RTEL1: variants seen among roughly 807,000 people sequenced by gnomAD.
RTEL1 encodes the protein regulator of telomere elongation helicase 1, also known as regulator of telomere length.
Under a neutral mutation model 162.2 loss-of-function variants are expected in RTEL1, and 86 were observed. That is an observed-to-expected ratio of 0.53 (90% confidence interval 0.45 to 0.63). RTEL1 has a LOEUF of 0.63. Ranked by LOEUF, RTEL1 falls within the 30% of genes least tolerant of loss-of-function variation. The pLI, the probability that RTEL1 is intolerant of heterozygous loss-of-function variation, is 0.00. For synonymous variants in RTEL1, 958 were observed against 717.9 expected (o/e 1.33, Z -5.35); for missense variants, 1,941 against 1,750.2 (o/e 1.11, Z -1.95).
At chr20:63,666,810 G>A (rs1038051980) in intron 7 of RTEL1, among the ~76,000 whole-genome samples, 15 of 150,050 alleles carry the variant, frequency 1.0e-4, no homozygotes, top group East Asian at 2.0e-4. Context: ...GATTACAGGC[G>A]TGAGACCCCA....
chr20:63,667,453 C>T lies in RTEL1; in HGVS notation c.615-16C>T, dbSNP rs1262626662. 1 of 1,606,834 alleles carries T rather than the reference C, an allele frequency of 6.2e-7. No individual in the cohort carries two copies. The highest frequency in any genetic ancestry group is 1.3e-5 in the African/African-American group (1 of 74,738). On this transcript the variant is annotated splice_polypyrimidine_tract_variant and intron_variant, in intron 7 of 34. Transcript: ENST00000360203. ...GCATGGGGTGCTCACAGGATCTTCTCCTCTCTCCTTCCCAGGGTGTGCCCT... is the reference window on the plus strand; with the variant it reads ...GCATGGGGTGCTCACAGGATCTTCTTCTCTCTCCTTCCCAGGGTGTGCCCT...
At position 63,684,256 on chromosome 20, in the gene RTEL1, C is replaced by T. The variant is rs115747785; in HGVS notation, c.1192-1267C>T. Reference sequence around the variant, plus strand: ...GGTTCTGTGCGCTGACCGAGCGGCTCGGCTTCCCCCAACTCCACTGGGCAC... The same window carrying T: ...GGTTCTGTGCGCTGACCGAGCGGCTTGGCTTCCCCCAACTCCACTGGGCAC... On this transcript the variant is annotated intron_variant, in intron 14 of 34. Coordinates refer to ENST00000360203, the MANE Select transcript of RTEL1 (RefSeq NM_001283009.2). Among the ~76,000 whole-genome samples, 567 of 152,284 alleles carry T rather than the reference C, an allele frequency of 3.7e-3. 3 individuals carry two copies. The highest frequency in any genetic ancestry group is 0.012 in the African/African-American group (519 of 41,548).
chr20:63,669,213 G>A (rs925473198), intron 8 of RTEL1, among the ~76,000 whole-genome samples: 2 of 152,152 alleles, frequency 1.3e-5, no homozygotes, highest in Non-Finnish European at 2.9e-5. Context: ...TTGATTTCTG[G>A]TTTTCTGAAA....
At chr20:63,682,230 C>G (rs547556940) in intron 14 of RTEL1, 2 of 985,434 alleles carry the variant, frequency 2.0e-6, no homozygotes, top group Non-Finnish European at 2.4e-6. Flanking sequence ...TCCAAGGCTT[C>G]CAGCTATGGA....
intron 13 of RTEL1, 34 bp downstream of exon 13, chr20:63,679,980 A>C (rs916790332): frequency 6.6e-7 from 1 of 1,510,564 alleles, no homozygotes; most frequent in Admixed American, 1.7e-5. Context: ...GGTGCGGGCA[A>C]ATGTGGCGTA....
intron 8 of RTEL1, among the ~76,000 whole-genome samples, chr20:63,671,199 T>C (rs545775579): frequency 7.4e-4 from 113 of 152,252 alleles, no homozygotes; most frequent in African/African-American, 2.6e-3. Context: ...TAGCTGGGAC[T>C]ACAGGCACCC....
At position 63,693,263 on chromosome 20, in the gene RTEL1, A is replaced by G. The variant is rs781059357; in HGVS notation, c.2972A>G (p.Gln991Arg). 3.1e-6 allele frequency: 5 copies of G among 1,611,892 alleles called. No individual in the cohort carries two copies. The highest frequency in any genetic ancestry group is 2.2e-5 in the East Asian group (1 of 44,892). ...AGCATTCCCCGAAGGCAGCGGGCAC[A>G]GCCGGTCCTGGACCCCACTGGTAAA... ...EHSIPRRQRAQPVLDPTGRTA... is the reference protein window; with the variant it reads ...EHSIPRRQRARPVLDPTGRTA... The change falls in exon 30 of 35, where the codon CAG becomes CGG. Residue 991 changes from glutamine to arginine, a missense_variant. By Grantham distance (43) the Gln-to-Arg change is conservative. Coordinates refer to ENST00000360203, the MANE Select transcript of RTEL1 (RefSeq NM_001283009.2).
intron 14 of RTEL1, chr20:63,682,024 C>T (rs773296401): frequency 5.1e-6 from 5 of 985,336 alleles, no homozygotes; most frequent in Admixed American, 1.2e-4. Flanking sequence ...AAAGCACCTC[C>T]AGCACATGGC....
chr20:63,694,049 C>G (rs1279601467), intron 30 of RTEL1, among the ~76,000 whole-genome samples: 2 of 152,016 alleles, frequency 1.3e-5, no homozygotes, highest in East Asian at 2.0e-4. Flanking sequence ...CCCTAGTTCA[C>G]CCAGGGGGGA....
intron 26 of RTEL1, 42 bp downstream of exon 26, chr20:63,690,483 G>GGGGGGGGGGGGGGGGGGGT: frequency 7.8e-7 from 1 of 1,281,042 alleles, no homozygotes; most frequent in East Asian, 2.6e-5. Flanking sequence ...GGGGGTGGCG[G>GGGGGGGGGGGGGGGGGGGT]AGCGGGCGGC....
In RTEL1 at chr20:63,694,930, C is replaced by T. The variant is rs1192905179; in HGVS notation, c.3299C>T (p.Ala1100Val). 1.9e-6 allele frequency: 3 copies of T among 1,612,484 alleles called. No homozygotes were observed. The highest frequency in any genetic ancestry group is 1.3e-5 in the African/African-American group (1 of 74,930). ...DDLDKVLAVL[A>V]ALTTAKPEDF... ...CTCGACAAGGTGCTGGCTGTGTTGG[C>T]CGCCCTGACCACTGCAAAGCCAGAG... The change falls in exon 32 of 35, where the codon GCC becomes GTC. Residue 1100 changes from alanine (A) to valine (V), a missense_variant. Transcript: ENST00000360203.
chr20:63,671,092 G>A (rs575922683), intron 8 of RTEL1, among the ~76,000 whole-genome samples: 1 of 152,248 alleles, frequency 6.6e-6, no homozygotes, highest in South Asian at 2.1e-4. Context: ...ATGGAGTCTC[G>A]CTCTGTGGTG....
At chr20:63,688,708 C>T (rs975069956) in intron 21 of RTEL1, 103 bp downstream of exon 21, 65 of 1,063,946 alleles carry the variant, frequency 6.1e-5, no homozygotes, top group Middle Eastern at 2.5e-4. Context: ...TGGGCTCCGG[C>T]GGCTCCCGCT....
At chr20:63,672,700 G>A in intron 9 of RTEL1, 79 bp downstream of exon 9, 2 of 1,251,162 alleles carry the variant, frequency 1.6e-6, no homozygotes, top group Non-Finnish European at 2.3e-6. Flanking sequence ...CTTTCTGGAG[G>A]GGCTCTGGCC....
rs998589209 is a variant in RTEL1, at chr20:63,679,780, C to T, written c.1038-69C>T. 7.3e-6 allele frequency: 9 copies of T among 1,226,156 alleles called. No individual in the cohort carries two copies. The African/African-American group carries it at 8.9e-5, about 12-fold the overall frequency. The allele number at this position is 1,226,156 out of a possible 1,614,324, so 76.0% of individuals were successfully genotyped here. On this transcript the variant is annotated intron_variant, in intron 12 of 34. Coordinates refer to ENST00000360203, the MANE Select transcript of RTEL1 (RefSeq NM_001283009.2). ...CCCTCAGGCCCGAGCCTGCCTTCTT[C>T]TCCTCAGTTCCCAAAGCTGCAGTCT...
chr20:63,679,157 G>C (rs997957968), intron 12 of RTEL1, among the ~76,000 whole-genome samples: 3 of 152,216 alleles, frequency 2.0e-5, no homozygotes, highest in Admixed American at 6.5e-5. Context: ...AGGGTTTGCT[G>C]TCTGTCCTGC....
At chr20:63,690,689 A>T in intron 26 of RTEL1, 116 bp from the exon 27 acceptor site, 1 of 1,206,862 alleles carries the variant, frequency 8.3e-7, no homozygotes, top group Non-Finnish European at 1.1e-6. Context: ...CAGGGAGGAC[A>T]CCCACAGGCA....
intron 12 of RTEL1, 21 bp downstream of exon 12, chr20:63,678,367 C>T: frequency 6.3e-7 from 1 of 1,598,892 alleles, no homozygotes; most frequent in Admixed American, 1.7e-5. Flanking sequence ...GGGAGCCAGC[C>T]CCTTCACTGC....
chr20:63,689,028 G>A (rs765262831), intron 21 of RTEL1, 27 bp from the exon 22 acceptor site: 59 of 1,600,826 alleles, frequency 3.7e-5, no homozygotes, highest in Non-Finnish European at 4.4e-5. Flanking sequence ...GGGGCTCCAG[G>A]CTCAGCCTCA....
Sources: gnomAD v4.1 joint callset for allele counts (sites outside exome capture counted in the v4.1 genomes callset) on GRCh38, gnomAD v4.1.1 for gene constraint, MANE v1.5 for transcripts, NCBI Gene and HGNC (gene_info 2026-07-23, HGNC 2026-07-21) for gene names.